PRDM12: variants seen among roughly 807,000 people sequenced by gnomAD.
The protein encoded by PRDM12 is PR/SET domain 12, also known as PR domain zinc finger protein 12.
A neutral mutation model predicts 29.6 loss-of-function variants in PRDM12; 17 were observed. That is an observed-to-expected ratio of 0.57 (90% CI 0.39 to 0.86). PRDM12 has a LOEUF of 0.86. Ranked by LOEUF, PRDM12 falls within the 40% of genes least tolerant of loss-of-function variation. The pLI, the probability that PRDM12 is intolerant of heterozygous loss-of-function variation, is 0.00. For synonymous variants in PRDM12, 231 were observed against 225.8 expected, an observed-to-expected ratio of 1.02 and a Z score of -0.21; for missense variants, 422 against 510.8, an observed-to-expected ratio of 0.83 and a Z score of 1.68.
chr9:130,681,640 G>A lies in PRDM12; in HGVS notation c.1075G>A (p.Ala359Thr). 1.0e-6 allele frequency: 1 copy of A among 977,704 alleles called. No homozygotes were observed. Among genetic ancestry groups the A allele is most frequent in the Non-Finnish European group, 1.2e-6 (1 of 826,126 alleles). The allele number at this position is 977,704 out of a possible 1,614,324, so 60.6% of individuals were successfully genotyped here. A position where few individuals can be genotyped will look rare whatever the true frequency, so the allele number is the denominator to read the frequency against. The part of the protein sequence containing the change: ...AAAAAAAAAA[A>T]HHLPAMVL Reference sequence around the variant, plus strand: ...CGCCGCCGCCGCCGCCGCCGCCGCCGCGCACCACCTGCCGGCCATGGTGCT... The same window carrying A: ...CGCCGCCGCCGCCGCCGCCGCCGCCACGCACCACCTGCCGGCCATGGTGCT... The change falls in exon 5 of 5, where the codon GCG becomes ACG. Residue 359 changes from alanine (A) to threonine (T), a missense_variant. Ala to Thr is a moderately conservative substitution (Grantham distance 58). This residue lies in a region of PRDM12 where 66 missense variants were observed against 61.5 expected (regional missense o/e 1.07). Transcript: ENST00000253008. This position sits in a 1 kb window ranked among gnomAD's most constrained non-coding sequence, Gnocchi z 8.1.
At chr9:130,667,619 G>A (rs1830746260) in intron 2 of PRDM12, among the ~76,000 whole-genome samples, 1 of 152,150 alleles carries the variant, frequency 6.6e-6, no homozygotes, top group South Asian at 2.1e-4. Context: ...CCCTCCTCTG[G>A]AGGGCTGGAC....
intron 3 of PRDM12, among the ~76,000 whole-genome samples, chr9:130,674,081 C>G (rs937390537): frequency 4.4e-4 from 60 of 136,960 alleles, no homozygotes; most frequent in African/African-American, 1.6e-3. Context: ...ATGGCGCCAT[C>G]TCAGCCTACT....
At position 130,664,995 on chromosome 9, in the gene PRDM12, G is replaced by A; in HGVS notation, c.223+119G>A. 9.6e-7 allele frequency: 1 copy of A among 1,041,432 alleles called. No individual in the cohort carries two copies. Among genetic ancestry groups the A allele is most frequent in the Non-Finnish European group, 1.4e-6 (1 of 736,750 alleles). 64.5% of individuals were successfully genotyped at this position (1,041,432 alleles called of 1,614,324 possible). On this transcript the variant is annotated intron_variant, in intron 1 of 4. Coordinates refer to ENST00000253008, the MANE Select transcript of PRDM12 (RefSeq NM_021619.3). This position sits in a 1 kb window ranked among gnomAD's most constrained non-coding sequence, Gnocchi z 6.4. ...CCTCGCTGCTACTCGCGCCAACCTG[G>A]GCTCTCCCGGCGCTCGGTGCACCTC... is the stretch of plus-strand genomic sequence containing the variant.
chr9:130,682,753 C>G lies in PRDM12; in HGVS notation c.*1084C>G, dbSNP rs374126041. ...CTTTGCAGTCATTTACCAGGATTCC[C>G]GTAGGGCGTTTTGTAAAATAAACTA... On this transcript the variant is annotated 3_prime_UTR_variant, in exon 5 of 5. Coordinates refer to ENST00000253008, the MANE Select transcript of PRDM12 (RefSeq NM_021619.3). The surrounding 1 kb of genome is among the most constrained non-coding windows in gnomAD (Gnocchi z 4.2). 6 of 152,480 alleles carry G rather than the reference C, an allele frequency of 3.9e-5. No homozygotes were observed. The highest frequency in any genetic ancestry group is 1.3e-4 in the Admixed American group (2 of 15,254). 9.4% of individuals were successfully genotyped at this position (152,480 alleles called of 1,614,324 possible). A position where few individuals can be genotyped will look rare whatever the true frequency, so the allele number is the denominator to read the frequency against.
At chr9:130,667,894 G>A (rs1830748246) in intron 2 of PRDM12, among the ~76,000 whole-genome samples, 1 of 152,194 alleles carries the variant, frequency 6.6e-6, no homozygotes, top group Non-Finnish European at 1.5e-5. Context: ...TCTTCTGGGG[G>A]TAGGGAGGAC....
rs536381349 is a variant in PRDM12, at chr9:130,668,578, G to A, written c.570+265G>A. 2.0e-4 allele frequency among the ~76,000 whole-genome samples: 30 copies of A among 152,324 alleles called. No individual in the cohort carries two copies. The highest frequency in any genetic ancestry group is 1.4e-3 in the Admixed American group (22 of 15,292). ...AACTTGACGGCATTGGGAATGTCAC[G>A]AGCATCTCCATAGTGAGGTCCCCAG... is the stretch of plus-strand genomic sequence containing the variant. On this transcript the variant is annotated intron_variant, in intron 3 of 4. Coordinates refer to ENST00000253008, the MANE Select transcript of PRDM12 (RefSeq NM_021619.3). The surrounding 1 kb of genome is among the most constrained non-coding windows in gnomAD (Gnocchi z 4.0).
intron 3 of PRDM12, among the ~76,000 whole-genome samples, chr9:130,673,513 T>TTA (rs893057206): frequency 6.6e-6 from 1 of 152,072 alleles, no homozygotes; most frequent in Non-Finnish European, 1.5e-5. Flanking sequence ...CTTTTTTTTT[T>TTA]CTTTTGGAGA....
At chr9:130,667,949 A>G (rs1180788133) in intron 2 of PRDM12, among the ~76,000 whole-genome samples, 2 of 152,202 alleles carry the variant, frequency 1.3e-5, no homozygotes, top group Non-Finnish European at 2.9e-5. Context: ...AGAGCCCTGG[A>G]GACTGATCCC....
At position 130,664,700 on chromosome 9, in the gene PRDM12, G is replaced by T. The variant is rs539749414; in HGVS notation, c.47G>T (p.Gly16Val). ...LPAEALVLKT[G>V]LKAPGLALAE... The stretch of plus-strand genomic sequence containing the variant: ...GCTGAGGCCCTGGTGCTCAAGACCG[G>T]GCTGAAGGCGCCGGGACTGGCGCTG... Residue 16 changes from glycine (G) to valine (V), a missense_variant, in exon 1 of 5, where the codon GGG (glycine) becomes GTG (valine). Physicochemically the swap from Gly to Val is moderately radical, Grantham distance 109. Transcript: ENST00000253008. The surrounding 1 kb of genome is among the most constrained non-coding windows in gnomAD (Gnocchi z 6.4). 6.2e-7 allele frequency: 1 copy of T among 1,609,022 alleles called. No homozygotes were observed. Among genetic ancestry groups the T allele is most frequent in the African/African-American group, 1.3e-5 (1 of 74,944 alleles).
chr9:130,680,936 C>T (rs1157955790), intron 4 of PRDM12, among the ~76,000 whole-genome samples: 2 of 151,930 alleles, frequency 1.3e-5, no homozygotes, highest in Non-Finnish European at 2.9e-5. Context: ...GGCAATCGTA[C>T]GCCCGAAAAG....
intron 3 of PRDM12, among the ~76,000 whole-genome samples, chr9:130,670,894 A>T (rs1265001516): frequency 6.6e-6 from 1 of 152,238 alleles, no homozygotes; most frequent in Non-Finnish European, 1.5e-5. Flanking sequence ...TGTGCAGGTC[A>T]CACTGGCTAG....
At chr9:130,679,057 C>T (rs1348060216) in intron 4 of PRDM12, among the ~76,000 whole-genome samples, 7 of 152,186 alleles carry the variant, frequency 4.6e-5, no homozygotes, top group African/African-American at 1.7e-4. Flanking sequence ...TCTAAGTTCC[C>T]TTCTGGTTCT....
intron 3 of PRDM12, among the ~76,000 whole-genome samples, chr9:130,672,220 G>T (rs1564246399): frequency 1.3e-5 from 2 of 151,916 alleles, no homozygotes; most frequent in Admixed American, 1.3e-4. Context: ...TATTTTTTTT[G>T]AGATGGAGTC....
rs1414139484 is a variant in PRDM12 at position 130,668,963 on chromosome 9, G to T, written c.570+650G>T. Among the ~76,000 whole-genome samples the T allele has an allele frequency of 6.6e-6, 1 of 152,168 alleles. No homozygotes were observed. Among genetic ancestry groups the T allele is most frequent in the Non-Finnish European group, 1.5e-5 (1 of 68,024 alleles). The stretch of plus-strand genomic sequence containing the variant: ...GGGGGTTTTGCCGGCCATCTGGGGG[G>T]AGTGTTAGCACTAATAGCTGCGCTT... On this transcript the variant is annotated intron_variant, in intron 3 of 4. Transcript: ENST00000253008. This position sits in a 1 kb window ranked among gnomAD's most constrained non-coding sequence, Gnocchi z 4.0.
chr9:130,677,219 C>T (rs1401023694), intron 3 of PRDM12, among the ~76,000 whole-genome samples: 2 of 152,236 alleles, frequency 1.3e-5, no homozygotes, highest in Non-Finnish European at 2.9e-5. Context: ...GCCACCACGC[C>T]CGACCTCCAC....
chr9:130,666,696 C>T lies in PRDM12; in HGVS notation c.312C>T (p.Ser104=). ...CTGGCGAGGGCCTCGGCATCTTCTC[C>T]AAGACGTGGATCAAGGCGGGAACCG... is the stretch of plus-strand genomic sequence containing the variant. ...SIPGEGLGIF[S]KTWIKAGTEM... Residue 104 remains serine, a synonymous_variant, in exon 2 of 5, where the codon TCC becomes TCT. Coordinates refer to ENST00000253008, the MANE Select transcript of PRDM12 (RefSeq NM_021619.3). 1 of 1,613,600 alleles carries T rather than the reference C, an allele frequency of 6.2e-7. No individual in the cohort carries two copies. Among genetic ancestry groups the T allele is most frequent in the Non-Finnish European group, 8.5e-7 (1 of 1,179,898 alleles).
rs778317884 is a variant in PRDM12 at position 130,666,597 on chromosome 9, C to G, written c.224-11C>G. 1.1e-5 allele frequency: 18 copies of G among 1,597,106 alleles called. No homozygotes were observed. The highest frequency in any genetic ancestry group is 1.4e-5 in the Non-Finnish European group (16 of 1,173,150). On this transcript the variant is annotated splice_polypyrimidine_tract_variant and intron_variant, in intron 1 of 4. Transcript: ENST00000253008. ...GGGCTCTGACCGGTTTTCCTGGCCCCGCCGCCGCAGAAGTGCAGAAGCTGT... is the reference window on the plus strand; with the variant it reads ...GGGCTCTGACCGGTTTTCCTGGCCCGGCCGCCGCAGAAGTGCAGAAGCTGT...
intron 4 of PRDM12, among the ~76,000 whole-genome samples, chr9:130,680,634 A>AATATAT (rs1181007721): frequency 4.5e-5 from 4 of 88,498 alleles, no homozygotes; most frequent in East Asian, 4.6e-4. Context: ...AAAAAAAAAA[A>AATATAT]ATATATATAT....
In PRDM12 at chr9:130,664,610, GTCGGCCCGGCCGT is replaced by G; in HGVS notation, c.-43_-31del. 1 of 1,306,386 alleles carries G rather than the reference GTCGGCCCGGCCGT, an allele frequency of 7.7e-7. No individual in the cohort carries two copies. Among genetic ancestry groups the G allele is most frequent in the Non-Finnish European group, 1.0e-6 (1 of 994,766 alleles). 80.9% of individuals were successfully genotyped at this position (1,306,386 alleles called of 1,614,324 possible). On this transcript the variant is annotated 5_prime_UTR_variant, in exon 1 of 5. Coordinates refer to ENST00000253008, the MANE Select transcript of PRDM12 (RefSeq NM_021619.3). This position sits in a 1 kb window ranked among gnomAD's most constrained non-coding sequence, Gnocchi z 6.4. ...CCCCTCTCGCCCGCCCACCTCCCCC[GTCGGCCCGGCCGT>G]CCCCCGGCGCCGGGGAGCTCCGGGC...
Sources: allele counts gnomAD v4.1 joint callset (sites outside exome capture counted in the v4.1 genomes callset), GRCh38; gene constraint gnomAD v4.1.1; regional missense constraint gnomAD v4.1.1; non-coding constraint Gnocchi (gnomAD v3.1); transcripts MANE v1.5; gene names NCBI Gene and HGNC (gene_info 2026-07-23, HGNC 2026-07-21).